Variants in CCSER1 observed in about 807,000 individuals in gnomAD.
CCSER1 encodes the protein coiled-coil serine rich protein 1.
In CCSER1, 41 loss-of-function variants were observed where a neutral mutation model predicts 82.0. The ratio of observed to expected loss-of-function variants is 0.50; its 90% CI spans 0.39 to 0.65. The LOEUF (loss-of-function observed/expected upper bound fraction) is 0.65. CCSER1 is among the 30% of genes least tolerant of loss of function. CCSER1 has a pLI of 0.00. For synonymous variants in CCSER1, 414 were observed against 383.9 expected, an observed-to-expected ratio of 1.08 and a Z score of -0.92; for missense variants, 1,119 against 1,064.2, an observed-to-expected ratio of 1.05 and a Z score of -0.72.
At chr4:91,200,564 T>C (rs1339271023) in intron 10 of CCSER1, among the ~76,000 whole-genome samples, 1 of 152,012 alleles carries the variant, frequency 6.6e-6, no homozygotes, top group African/African-American at 2.4e-5. Flanking sequence ...TAATTAAAAA[T>C]TGTTACTGAA....
Position 91,071,767 on chromosome 4 carries a change from A to T in CCSER1, c.2173-14183A>T, listed in dbSNP as rs115182384. 3.3e-3 allele frequency among the ~76,000 whole-genome samples: 497 copies of T among 152,232 alleles called. 1 individual carries two copies. The highest frequency in any genetic ancestry group is 0.011 in the African/African-American group (461 of 41,540). ...CAAATAGCAAAATAATTGCCTTATGATGTGACATATCACACATTAAGTGCT... is the reference window on the plus strand; with the variant it reads ...CAAATAGCAAAATAATTGCCTTATGTTGTGACATATCACACATTAAGTGCT... On this transcript the variant is annotated intron_variant, in intron 9 of 10. Coordinates refer to ENST00000509176, the MANE Select transcript of CCSER1 (RefSeq NM_001145065.2).
chr4:90,621,292 G>C (rs75181983), intron 5 of CCSER1, among the ~76,000 whole-genome samples: 4,340 of 152,056 alleles, frequency 0.029, 199 homozygotes, highest in African/African-American at 0.1. Context: ...CTCACTCTTT[G>C]TCTTATTTAT....
At chr4:90,651,928 G>A (rs565514679) in intron 6 of CCSER1, among the ~76,000 whole-genome samples, 1 of 152,220 alleles carries the variant, frequency 6.6e-6, no homozygotes, top group Admixed American at 6.5e-5. Flanking sequence ...AAACTTGGGG[G>A]ATGAGAAATA....
chr4:90,469,343 T>C (rs924415897), intron 5 of CCSER1, among the ~76,000 whole-genome samples: 1 of 152,144 alleles, frequency 6.6e-6, no homozygotes, highest in African/African-American at 2.4e-5. Context: ...GAAGAAACAC[T>C]GACCAATTTA....
At chr4:91,174,857 T>C (rs905925857) in intron 10 of CCSER1, among the ~76,000 whole-genome samples, 6 of 150,980 alleles carry the variant, frequency 4.0e-5, no homozygotes, top group African/African-American at 9.8e-5. Context: ...ATTTCTAGGG[T>C]ACATGTGCAC....
chr4:90,436,740 TGCATATTA>T (rs556669684), intron 4 of CCSER1, among the ~76,000 whole-genome samples: 35 of 152,254 alleles, frequency 2.3e-4, no homozygotes, highest in East Asian at 1.5e-3. Context: ...TATGCATATA[TGCATATTA>T]GTAATATATG....
At chr4:90,847,383 A>G (rs374433189) in intron 8 of CCSER1, among the ~76,000 whole-genome samples, 29 of 152,324 alleles carry the variant, frequency 1.9e-4, no homozygotes, top group African/African-American at 6.7e-4. Context: ...GAGCTTTGCC[A>G]CTTAGCATCT....
rs1446309073 is a variant in CCSER1, at chr4:91,063,897, G to A, written c.2173-22053G>A. On this transcript the variant is annotated intron_variant, in intron 9 of 10. Transcript: ENST00000509176. ...CAATGACATTAAATGATTTCCCTAA[G>A]GTCTCATGTCTGGGAAATGTCAGGA... Among the ~76,000 whole-genome samples, 7 of 152,034 alleles carry A rather than the reference G, an allele frequency of 4.6e-5. No homozygotes were observed. In the East Asian group the frequency reaches 1.3e-3, roughly 29 times the overall value.
chr4:91,432,566 C>T (rs569245786), intron 10 of CCSER1, among the ~76,000 whole-genome samples: 219 of 152,184 alleles, frequency 1.4e-3, no homozygotes, highest in African/African-American at 5.0e-3. Context: ...TGCTATCAAA[C>T]TTCCATACTT....
At chr4:90,813,741 T>C (rs557857749) in intron 7 of CCSER1, among the ~76,000 whole-genome samples, 1 of 152,318 alleles carries the variant, frequency 6.6e-6, no homozygotes, top group South Asian at 2.1e-4. Context: ...ATTAAACCTC[T>C]TTTTCTTTCC....
intron 1 of CCSER1, among the ~76,000 whole-genome samples, chr4:90,223,284 A>C (rs749723701): frequency 2.0e-5 from 3 of 152,198 alleles, no homozygotes; most frequent in Admixed American, 6.5e-5. Flanking sequence ...GATTTTTGTC[A>C]AAAGACTGTA....
intron 10 of CCSER1, among the ~76,000 whole-genome samples, chr4:91,439,615 A>G (rs1445161761): frequency 6.6e-6 from 1 of 152,156 alleles, no homozygotes; most frequent in African/African-American, 2.4e-5. Context: ...ACATAACAAT[A>G]TTAACTTTAA....
chr4:90,725,727 C>T (rs1743513164), intron 7 of CCSER1, among the ~76,000 whole-genome samples: 1 of 151,574 alleles, frequency 6.6e-6, no homozygotes, highest in Non-Finnish European at 1.5e-5. Context: ...CTATTTTGAA[C>T]AGAATCTTAA....
intron 10 of CCSER1, among the ~76,000 whole-genome samples, chr4:91,506,620 G>T (rs1759504603): frequency 6.6e-6 from 1 of 152,028 alleles, no homozygotes; most frequent in African/African-American, 2.4e-5. Context: ...AACTTTAGTG[G>T]AAATTAAAAT....
chr4:90,931,463 A>G (rs1428832836), intron 9 of CCSER1, among the ~76,000 whole-genome samples: 1 of 152,110 alleles, frequency 6.6e-6, no homozygotes, highest in Non-Finnish European at 1.5e-5. Context: ...TTAAGGTGGT[A>G]TTCAAATTAA....
chr4:91,379,626 A>G (rs927262265), intron 10 of CCSER1, among the ~76,000 whole-genome samples: 1 of 151,944 alleles, frequency 6.6e-6, no homozygotes. Context: ...TATTGCATCT[A>G]CTTGATTCTT....
At chr4:90,908,962 A>G (rs2150182117) in intron 8 of CCSER1, among the ~76,000 whole-genome samples, 1 of 152,222 alleles carries the variant, frequency 6.6e-6, no homozygotes, top group South Asian at 2.1e-4. Flanking sequence ...ATTGAAATTT[A>G]TTTTCTCAGA....
At position 90,744,257 on chromosome 4, in the gene CCSER1, C is replaced by T. The variant is rs150915243; in HGVS notation, c.2010+20266C>T. ...TGAGGGTACAGAAACTATACGTATT[C>T]GGTTATGTGTTGCCTGTATGATGAG... On this transcript the variant is annotated intron_variant, in intron 7 of 10. Coordinates refer to ENST00000509176, the MANE Select transcript of CCSER1 (RefSeq NM_001145065.2). Among the ~76,000 whole-genome samples the T allele has an allele frequency of 2.7e-3, 412 of 152,138 alleles. 3 individuals carry two copies. The highest frequency in any genetic ancestry group is 9.5e-3 in the African/African-American group (396 of 41,516).
At chr4:90,795,310 C>T (rs947060271) in intron 7 of CCSER1, among the ~76,000 whole-genome samples, 15 of 138,442 alleles carry the variant, frequency 1.1e-4, no homozygotes, top group African/African-American at 4.0e-4. Flanking sequence ...AAAAAGGAAA[C>T]AAAGAAATGT....
Sources: gnomAD v4.1 joint callset for allele counts (sites outside exome capture counted in the v4.1 genomes callset) on GRCh38, gnomAD v4.1.1 for gene constraint, MANE v1.5 for transcripts, NCBI Gene and HGNC (gene_info 2026-07-23, HGNC 2026-07-21) for gene names.